Variants in PALM2AKAP2 observed in about 807,000 individuals in gnomAD.
PALM2AKAP2 encodes the protein PALM2 and AKAP2 fusion.
A neutral mutation model predicts 71.5 loss-of-function variants in PALM2AKAP2; 37 were observed. The observed-to-expected ratio is 0.52, with a 90% CI of 0.40 to 0.68. PALM2AKAP2 has a LOEUF of 0.68. Ranked by LOEUF, PALM2AKAP2 falls within the 30% of genes least tolerant of loss-of-function variation. The pLI, the probability that PALM2AKAP2 is intolerant of heterozygous loss-of-function variation, is 0.00. For synonymous variants in PALM2AKAP2, 468 were observed against 478.8 expected, an observed-to-expected ratio of 0.98 and a Z score of 0.29; for missense variants, 1,224 against 1,191.8, an observed-to-expected ratio of 1.03 and a Z score of -0.40.
At chr9:109,763,910 T>C (rs1296664256) in intron 1 of PALM2AKAP2, among the ~76,000 whole-genome samples, 1 of 152,162 alleles carries the variant, frequency 6.6e-6, no homozygotes, top group Non-Finnish European at 1.5e-5. Flanking sequence ...ACATTGGTTA[T>C]TGGGTTTAGG....
At chr9:109,765,474 GATCATCATCATCATCATCATC>G (rs55668686) in intron 1 of PALM2AKAP2, 4 of 95,006 alleles carry the variant, frequency 4.2e-5, no homozygotes, top group South Asian at 4.3e-4. Context: ...TCATGATCAT[GATCATCATCATCATCATCATC>G]ATCATCATCA....
chr9:110,055,272 A>G (rs1833810510), intron 1 of PALM2AKAP2, among the ~76,000 whole-genome samples: 1 of 151,744 alleles, frequency 6.6e-6, no homozygotes, highest in African/African-American at 2.4e-5. Flanking sequence ...CTCAGCTCAC[A>G]GCAACCTCCA....
At chr9:109,799,647 C>T (rs12335717) in intron 1 of PALM2AKAP2, among the ~76,000 whole-genome samples, 11,077 of 152,194 alleles carry the variant, frequency 0.073, 545 homozygotes, top group South Asian at 0.11. Flanking sequence ...GCATGCAACA[C>T]GATGCCTGGT....
chr9:110,013,394 GT>G (rs1252667631), intron 6 of PALM2AKAP2, among the ~76,000 whole-genome samples: 11 of 152,294 alleles, frequency 7.2e-5, no homozygotes, highest in African/African-American at 2.4e-4. Flanking sequence ...CAACATCTGT[GT>G]CTCTCTGCCA....
chr9:110,060,363 A>G (rs1283951638), intron 1 of PALM2AKAP2, among the ~76,000 whole-genome samples: 2 of 151,994 alleles, frequency 1.3e-5, no homozygotes, highest in African/African-American at 4.8e-5. Context: ...TTGGCCTCCC[A>G]AAGTGCTGGG....
intron 3 of PALM2AKAP2, among the ~76,000 whole-genome samples, chr9:109,895,334 G>A (rs1226609798): frequency 6.6e-6 from 1 of 152,206 alleles, no homozygotes; most frequent in Non-Finnish European, 1.5e-5. Context: ...GGGAACCAAA[G>A]GTACTGACAT....
chr9:110,098,054 G>A (rs1247005342), intron 1 of PALM2AKAP2, among the ~76,000 whole-genome samples: 1 of 143,466 alleles, frequency 7.0e-6, no homozygotes. Context: ...GCAGGCACTC[G>A]GCAGGCTGAG....
chr9:110,117,076 C>T (rs1317666830), intron 1 of PALM2AKAP2, among the ~76,000 whole-genome samples: 1 of 152,102 alleles, frequency 6.6e-6, no homozygotes, highest in Non-Finnish European at 1.5e-5. Context: ...CTAATACATG[C>T]TCAGTCATAT....
At chr9:109,755,931 G>GATGT (rs1297523589) in intron 1 of PALM2AKAP2, among the ~76,000 whole-genome samples, 1 of 152,094 alleles carries the variant, frequency 6.6e-6, no homozygotes, top group South Asian at 2.1e-4. Flanking sequence ...TTATCACAGA[G>GATGT]ATGTACCATG....
chr9:110,100,136 A>G (rs2118864710), intron 1 of PALM2AKAP2, among the ~76,000 whole-genome samples: 1 of 149,458 alleles, frequency 6.7e-6, no homozygotes, highest in East Asian at 2.0e-4. Flanking sequence ...CTTTCAGCAA[A>G]CAACCTCAAG....
chr9:109,949,070 C>T (rs1831576911), intron 6 of PALM2AKAP2, among the ~76,000 whole-genome samples: 1 of 152,242 alleles, frequency 6.6e-6, no homozygotes, highest in Admixed American at 6.5e-5. Flanking sequence ...AGCATTGAGG[C>T]AGAACCTTGC....
intron 3 of PALM2AKAP2, among the ~76,000 whole-genome samples, chr9:109,919,154 C>T (rs757399751): frequency 6.6e-6 from 1 of 152,120 alleles, no homozygotes; most frequent in Non-Finnish European, 1.5e-5. Context: ...TTTTAGAATC[C>T]CCTGTAGTGC....
intron 6 of PALM2AKAP2, among the ~76,000 whole-genome samples, chr9:109,978,373 C>G (rs1832208316): frequency 6.6e-6 from 1 of 152,178 alleles, no homozygotes; most frequent in South Asian, 2.1e-4. Context: ...ACCCCCACCC[C>G]CAACCAACTT....
intron 3 of PALM2AKAP2, among the ~76,000 whole-genome samples, chr9:109,913,874 A>G (rs1830627099): frequency 6.7e-6 from 1 of 149,192 alleles, no homozygotes; most frequent in Non-Finnish European, 1.5e-5. Flanking sequence ...CTCCTGCCTC[A>G]GCCTCCCGAG....
chr9:109,775,647 TC>T (rs1175860907), upstream of PALM2AKAP2, among the ~76,000 whole-genome samples: 3 of 152,240 alleles, frequency 2.0e-5, no homozygotes, highest in Non-Finnish European at 2.9e-5. Flanking sequence ...ATCCTGGCAT[TC>T]CTTTCAAAAT....
intron 6 of PALM2AKAP2, among the ~76,000 whole-genome samples, chr9:109,965,802 A>C (rs1831935825): frequency 6.6e-6 from 1 of 152,194 alleles, no homozygotes; most frequent in Admixed American, 6.5e-5. Flanking sequence ...GGGGGAAAAA[A>C]AAGAGCTAAA....
At chr9:110,128,381 A>G (rs1005777754) in intron 1 of PALM2AKAP2, among the ~76,000 whole-genome samples, 6 of 152,238 alleles carry the variant, frequency 3.9e-5, no homozygotes, top group Non-Finnish European at 8.8e-5. Context: ...AAAGAGAGGC[A>G]GGATGAGAAG....
At chr9:109,754,140 G>T (rs1828924089) in intron 1 of PALM2AKAP2, among the ~76,000 whole-genome samples, 1 of 152,088 alleles carries the variant, frequency 6.6e-6, no homozygotes, top group African/African-American at 2.4e-5. Context: ...TACAAAACAT[G>T]TGGCATGAAA....
intron 1 of PALM2AKAP2, among the ~76,000 whole-genome samples, chr9:110,106,301 A>G (rs965376338): frequency 2.0e-5 from 3 of 152,360 alleles, no homozygotes; most frequent in South Asian, 2.1e-4. Flanking sequence ...AGAGCTGACT[A>G]TGCAGGAGAC....
Sources: gnomAD v4.1 joint callset for allele counts (sites outside exome capture counted in the v4.1 genomes callset) on GRCh38, gnomAD v4.1.1 for gene constraint, MANE v1.5 for transcripts, NCBI Gene and HGNC (gene_info 2026-07-23, HGNC 2026-07-21) for gene names.